The following AMMECR1 variants were observed in gnomAD, a reference collection of about 807,000 sequenced individuals.
AMMECR1 encodes AMMECR nuclear protein 1.
AMMECR1 carries 3 observed loss-of-function variants against 22.5 expected under a neutral mutation model. That is an observed-to-expected ratio of 0.13 (90% CI 0.06 to 0.35). The LOEUF (loss-of-function observed/expected upper bound fraction) is 0.35. Among genes scored for constraint, AMMECR1 ranks in the 10% least tolerant of loss-of-function variants. The pLI is 1.00. For missense variants in AMMECR1, 235 were observed against 278.7 expected (o/e 0.84, Z 1.12); for synonymous variants, 130 against 116.7 (o/e 1.11, Z -0.74).
chrX:110,378,008 C>CAAAAAAAAAAA (rs755483656), intron 2 of AMMECR1, among the ~76,000 whole-genome samples: 19 of 30,946 alleles, frequency 6.1e-4, no homozygotes, highest in African/African-American at 2.6e-3. Flanking sequence ...GACTCCGTCT[C>CAAAAAAAAAAA]AAAAAAAAAA....
intron 2 of AMMECR1, among the ~76,000 whole-genome samples, chrX:110,416,963 T>A (rs1386390327): frequency 1.8e-5 from 2 of 112,148 alleles, no homozygotes; most frequent in Non-Finnish European, 3.8e-5. Context: ...ACTTCCAATT[T>A]TCGGTTTTTG....
chrX:110,407,486 C>G (rs2068611139), intron 2 of AMMECR1, among the ~76,000 whole-genome samples: 1 of 112,683 alleles, frequency 8.9e-6, no homozygotes, highest in Non-Finnish European at 1.9e-5. Context: ...CAACCATTTA[C>G]TAGCAGATTA....
In AMMECR1 at chrX:110,234,182, TAACA is replaced by T. The variant is rs765376690; in HGVS notation, c.585-17554_585-17551del. Among the ~76,000 whole-genome samples, 358 of 111,315 alleles carry T rather than the reference TAACA, an allele frequency of 3.2e-3. 3 individuals are homozygous for T. Among genetic ancestry groups the T allele is most frequent in the African/African-American group, 0.011 (333 of 30,621 alleles). On this transcript the variant is annotated intron_variant, in intron 2 of 5. Transcript: ENST00000262844. ...AATCACAAGCATTCCTATATACCAA[TAACA>T]GACAAACAGAGAGCCAAATCATGAG...
At chrX:110,317,478 G>C in intron 1 of AMMECR1, 121 bp downstream of exon 1, 2 of 1,058,184 alleles carry the variant, frequency 1.9e-6, no homozygotes, top group Non-Finnish European at 2.4e-6. Context: ...AGTAGCTCCG[G>C]GGACCCGGGC....
rs2067379614 is a variant in AMMECR1 at position 110,198,159 on chromosome X, A to G, written c.*361T>C. ...GCAGGGAAGGAAGAAGGAAAACGGG[A>G]AGGAAGAAGGAAAACAGGAAGCAAA... On this transcript the variant is annotated 3_prime_UTR_variant, in exon 6 of 6. Transcript: ENST00000262844. 8.3e-6 allele frequency: 1 copy of G among 120,357 alleles called. No individual in the cohort carries two copies. The highest frequency in any genetic ancestry group is 1.7e-5 in the Non-Finnish European group (1 of 59,451). The allele number at this position is 120,357 out of a possible 1,213,427, so 9.9% of individuals were successfully genotyped here. A position where few individuals can be genotyped will look rare whatever the true frequency, so the allele number is the denominator to read the frequency against.
intron 2 of AMMECR1, among the ~76,000 whole-genome samples, chrX:110,362,224 CTCCT>C (rs924908677): frequency 4.5e-5 from 5 of 111,055 alleles, no homozygotes; most frequent in African/African-American, 1.3e-4. Context: ...CATATCAACT[CTCCT>C]TCCTTCTTTT....
At chrX:110,330,162 G>A (rs1015713578) in intron 2 of AMMECR1, among the ~76,000 whole-genome samples, 3 of 111,012 alleles carry the variant, frequency 2.7e-5, no homozygotes, top group Non-Finnish European at 3.8e-5. Flanking sequence ...GTTTCAACCC[G>A]TTACTACACT....
Position 110,389,615 on chromosome X carries a change from T to G in AMMECR1, c.-148+37043A>C, listed in dbSNP as rs774533996. On this transcript the variant is annotated intron_variant, in intron 2 of 7. Transcript: ENST00000372057. ...CCCTTAAGGTTATTCAATCTTTTTGTTTTTTTTTTCTCATGTTACCTTGTG... is the reference window on the plus strand; with the variant it reads ...CCCTTAAGGTTATTCAATCTTTTTGGTTTTTTTTTCTCATGTTACCTTGTG... Among the ~76,000 whole-genome samples, 4 of 108,400 alleles carry G rather than the reference T, an allele frequency of 3.7e-5. No homozygotes were observed. The South Asian group carries it at 1.2e-3, about 32-fold the overall frequency. The allele number at this position is 108,400 out of a possible 115,157, so 94.1% of individuals were successfully genotyped here.
chrX:110,409,129 C>A (rs2068623465), intron 2 of AMMECR1, among the ~76,000 whole-genome samples: 1 of 111,181 alleles, frequency 9.0e-6, no homozygotes, highest in Admixed American at 9.5e-5. Flanking sequence ...AAGCACACAG[C>A]TGGAGTCAGG....
chrX:110,231,791 T>C (rs1417303977), intron 2 of AMMECR1, among the ~76,000 whole-genome samples: 1 of 110,244 alleles, frequency 9.1e-6, no homozygotes, highest in Non-Finnish European at 1.9e-5. Context: ...CAAAGACGCA[T>C]ACAGGCTCAA....
At chrX:110,408,605 T>C (rs1264390511) in intron 2 of AMMECR1, among the ~76,000 whole-genome samples, 1 of 112,397 alleles carries the variant, frequency 8.9e-6, no homozygotes, top group East Asian at 2.8e-4. Context: ...TCTGTAAAGA[T>C]ATGGAAGATT....
chrX:110,400,031 G>A (rs1221385834), intron 2 of AMMECR1, among the ~76,000 whole-genome samples: 5 of 110,276 alleles, frequency 4.5e-5, no homozygotes, highest in Admixed American at 3.9e-4. Context: ...ATTGATTAGG[G>A]ACATGTTATG....
At chrX:110,430,586 T>A (rs1232670072) in intron 1 of AMMECR1, among the ~76,000 whole-genome samples, 1 of 111,450 alleles carries the variant, frequency 9.0e-6, no homozygotes, top group African/African-American at 3.3e-5. Context: ...ACAGAAGCAA[T>A]AGAGTGGAAA....
At chrX:110,435,110 G>A (rs1388427011) in intron 1 of AMMECR1, among the ~76,000 whole-genome samples, 1 of 78,303 alleles carries the variant, frequency 1.3e-5, no homozygotes, top group Non-Finnish European at 2.5e-5. Context: ...AGGGAGGGGG[G>A]AGGAGGAAGG....
At chrX:110,229,819 C>T (rs12849513) in intron 2 of AMMECR1, among the ~76,000 whole-genome samples, 1 of 112,408 alleles carries the variant, frequency 8.9e-6, no homozygotes. Context: ...ATGCTTTTAC[C>T]AAGGTCTTAG....
chrX:110,317,539 C>G, intron 1 of AMMECR1, 60 bp downstream of exon 1: 2 of 1,100,690 alleles, frequency 1.8e-6, no homozygotes, highest in Non-Finnish European at 2.4e-6. Flanking sequence ...CGCACTTTGC[C>G]TCAACTCTGA....
chrX:110,239,580 G>A (rs1052174330), intron 2 of AMMECR1, among the ~76,000 whole-genome samples: 1 of 111,794 alleles, frequency 8.9e-6, no homozygotes, highest in Non-Finnish European at 1.9e-5. Context: ...GATTTGATTG[G>A]TGTACCTGAA....
intron 1 of AMMECR1, among the ~76,000 whole-genome samples, chrX:110,307,817 T>C (rs1173636790): frequency 9.2e-6 from 1 of 108,834 alleles, no homozygotes; most frequent in East Asian, 2.8e-4. Flanking sequence ...CCTCATATTA[T>C]GAAACTTCAT....
chrX:110,249,620 G>T, intron 2 of AMMECR1, among the ~76,000 whole-genome samples: 1 of 111,962 alleles, frequency 8.9e-6, no homozygotes, highest in East Asian at 2.8e-4. Context: ...AGGGAAATCT[G>T]GCTGGGTGCG....
Sources: gnomAD v4.1 joint callset for allele counts (sites outside exome capture counted in the v4.1 genomes callset) on GRCh38, gnomAD v4.1.1 for gene constraint, MANE v1.5 for transcripts, NCBI Gene and HGNC (gene_info 2026-07-23, HGNC 2026-07-21) for gene names.